The following TCF25 variants were observed in gnomAD, a reference collection of about 807,000 sequenced individuals.
The protein encoded by TCF25 is ribosome quality control complex subunit TCF25.
Under a neutral mutation model 83.1 loss-of-function variants are expected in TCF25, and 41 were observed. The observed-to-expected ratio is 0.49, with a 90% CI of 0.38 to 0.64. TCF25 has a LOEUF of 0.64. Ranked by LOEUF, TCF25 falls within the 30% of genes least tolerant of loss-of-function variation. The pLI is 0.00. For synonymous variants in TCF25, 458 were observed against 365.0 expected (o/e 1.25, Z -2.90); for missense variants, 979 against 914.5 (o/e 1.07, Z -0.91).
chr16:89,892,338 C>T (rs1349693744), intron 6 of TCF25, 63 bp downstream of exon 6: 48 of 1,485,678 alleles, frequency 3.2e-5, no homozygotes, highest in South Asian at 6.1e-5. Flanking sequence ...GCACTGGCCC[C>T]GGTACAGCAA....
intron 6 of TCF25, 149 bp from the exon 7 acceptor site, chr16:89,893,579 A>G: frequency 8.0e-7 from 1 of 1,256,316 alleles, no homozygotes; most frequent in South Asian, 1.4e-5. Flanking sequence ...AGGTGTCCGG[A>G]GCTGGTGACA....
At chr16:89,896,239 A>G (rs1201332404) in intron 9 of TCF25, among the ~76,000 whole-genome samples, 156 bp downstream of exon 9, 2 of 152,080 alleles carry the variant, frequency 1.3e-5, no homozygotes, top group Non-Finnish European at 2.9e-5. Flanking sequence ...GGGCTTAAGG[A>G]TAGAGGGATG....
intron 16 of TCF25, among the ~76,000 whole-genome samples, chr16:89,908,482 CCCA>C (rs1193946983): frequency 6.9e-6 from 1 of 144,626 alleles, no homozygotes; most frequent in African/African-American, 2.6e-5. Context: ...CCTGCCAGCT[CCCA>C]CCTCTTTCCT....
At position 89,892,188 on chromosome 16, in the gene TCF25, C is replaced by T. The variant is rs781542693; in HGVS notation, c.615-5C>T. 5 of 1,605,502 alleles carry T rather than the reference C, an allele frequency of 3.1e-6. No homozygotes were observed. Among genetic ancestry groups the T allele is most frequent in the Non-Finnish European group, 3.4e-6 (4 of 1,175,996 alleles). ...AAAGCTGTACCTGTGTCCCGTTCTCCCCAGGCCACGGCAGAGACAACGTGT... is the reference window on the plus strand; with the variant it reads ...AAAGCTGTACCTGTGTCCCGTTCTCTCCAGGCCACGGCAGAGACAACGTGT... On this transcript the variant is annotated splice_region_variant and splice_polypyrimidine_tract_variant and intron_variant, in intron 5 of 17. Coordinates refer to ENST00000263346, the MANE Select transcript of TCF25 (RefSeq NM_014972.3).
chr16:89,908,812 G>C (rs112370596), intron 16 of TCF25, among the ~76,000 whole-genome samples: 6,137 of 63,936 alleles, frequency 0.096, 565 homozygotes, highest in African/African-American at 0.26. Flanking sequence ...CTCCCACCTC[G>C]CAGCTCCCAG....
Position 89,883,431 on chromosome 16 carries a change from A to G in TCF25, c.273A>G (p.Pro91=). The change falls in exon 2 of 18, where the codon CCA becomes CCG. Residue 91 remains proline, a synonymous_variant. Transcript: ENST00000263346. The part of the protein sequence containing the change: ...SGCALTDAVA[P]GNKGRGQRGN... Reference sequence around the variant, plus strand: ...GTGCGCTCACAGACGCTGTGGCACCAGGGAACAAAGGAAGGGGTCAGCGTG... The same window carrying G: ...GTGCGCTCACAGACGCTGTGGCACCGGGGAACAAAGGAAGGGGTCAGCGTG... The G allele has an allele frequency of 6.2e-7, 1 of 1,614,056 alleles. No homozygotes were observed. Among genetic ancestry groups the G allele is most frequent in the Non-Finnish European group, 8.5e-7 (1 of 1,180,036 alleles).
rs11648433 is a variant in TCF25 at position 89,898,647 on chromosome 16, G to A, written c.1113G>A (p.Leu371=). The A allele has an allele frequency of 0.085, 136,903 of 1,612,622 alleles. 7,017 individuals are homozygous for A. The highest frequency in any genetic ancestry group is 0.19 in the East Asian group (8,355 of 44,872). ...CGCTGGAGTACTGCAAGCTCATCCT[G>A]AGGTGAGTGTCTGCTCAGGGCCAAG... The part of the protein sequence containing the change: ...RTALEYCKLI[L]SLEPDEDPLC... Residue 371 remains leucine (L), a splice_region_variant and synonymous_variant, in exon 10 of 18, where the codon CTG becomes CTA. Coordinates refer to ENST00000263346, the MANE Select transcript of TCF25 (RefSeq NM_014972.3).
chr16:89,908,808 C>CCCCGCAG (rs1298820367), intron 16 of TCF25, among the ~76,000 whole-genome samples: 1 of 123,444 alleles, frequency 8.1e-6, no homozygotes, highest in African/African-American at 3.9e-5. Context: ...CCAGCTCCCA[C>CCCCGCAG]CTCGCAGCTC....
chr16:89,904,120 C>G lies in TCF25; in HGVS notation c.1384C>G (p.Leu462Val), dbSNP rs893650779. 6.7e-5 allele frequency: 108 copies of G among 1,605,370 alleles called. No homozygotes were observed. Among genetic ancestry groups the G allele is most frequent in the Non-Finnish European group, 8.8e-5 (103 of 1,176,346 alleles). The change falls in exon 13 of 18, where the codon CTC (leucine) becomes GTC (valine). Residue 462 changes from leucine to valine, a missense_variant and splice_region_variant. Transcript: ENST00000263346. ...QQALTMFPGV[L>V]LPLLESCSVR... ...CAGAGCCTCCGCTTCCCCTGCAGTC[C>G]TCCTGCCCCTGCTCGAGTCTTGCAG...
intron 16 of TCF25, among the ~76,000 whole-genome samples, chr16:89,907,899 C>T (rs1261960080): frequency 3.9e-5 from 5 of 128,360 alleles, no homozygotes; most frequent in African/African-American, 9.5e-5. Context: ...CAGCTCCCGC[C>T]TCCCACCTCC....
intron 6 of TCF25, among the ~76,000 whole-genome samples, 176 bp from the exon 7 acceptor site, chr16:89,893,552 C>T (rs187915074): frequency 1.7e-4 from 25 of 151,446 alleles, no homozygotes; most frequent in Admixed American, 1.3e-3. Context: ...GTAGACCAGA[C>T]GGCGGGTGTT....
chr16:89,901,468 G>GA (rs1400148543), intron 12 of TCF25, among the ~76,000 whole-genome samples: 2,164 of 133,212 alleles, frequency 0.016, 82 homozygotes, highest in East Asian at 0.092. Context: ...GCCTCCGGCC[G>GA]GGCGCGGTGG....
chr16:89,901,026 G>T (rs10153084), intron 12 of TCF25: 2 of 447,222 alleles, frequency 4.5e-6, no homozygotes, highest in Admixed American at 6.5e-5. Context: ...CCCGACCCCC[G>T]TGGGGCCTGT....
chr16:89,875,607 C>G (rs958259274), intron 1 of TCF25, among the ~76,000 whole-genome samples: 2 of 148,274 alleles, frequency 1.3e-5, no homozygotes, highest in African/African-American at 5.0e-5. Context: ...ACTGCAAGCT[C>G]CGCCTCCTGG....
At chr16:89,893,960 T>C (rs1597331005) in intron 7 of TCF25, 102 bp downstream of exon 7, 2 of 1,479,326 alleles carry the variant, frequency 1.4e-6, no homozygotes, top group Admixed American at 4.2e-5. Context: ...TGCTGCCTCC[T>C]GCCCTTCCCA....
rs768923460 is a variant in TCF25, at chr16:89,887,701, A to G, written c.598A>G (p.Ile200Val). The change falls in exon 5 of 18, where the codon ATC (isoleucine) becomes GTC (valine). Residue 200 changes from isoleucine to valine, a missense_variant. Transcript: ENST00000263346. ...ELKRYFGARA[I>V]LGEQRPRQRQ... ...GAAAAGGTATTTTGGTGCCCGGGCA[A>G]TCCTGGGGGAGCAAAGGTAAGGTCC... 12 of 1,591,914 alleles carry G rather than the reference A, an allele frequency of 7.5e-6. No homozygotes were observed. The highest frequency in any genetic ancestry group is 1.9e-5 in the Admixed American group (1 of 53,648).
At chr16:89,887,325 A>G (rs568729303) in intron 4 of TCF25, among the ~76,000 whole-genome samples, 1 of 150,820 alleles carries the variant, frequency 6.6e-6, no homozygotes, top group South Asian at 2.1e-4. Flanking sequence ...AGCTCCGTGG[A>G]GTCAGTTAAG....
intron 12 of TCF25, 76 bp downstream of exon 12, chr16:89,900,870 A>G: frequency 7.1e-7 from 1 of 1,401,840 alleles, no homozygotes; most frequent in Non-Finnish European, 9.5e-7. Context: ...CTGGTGGTGG[A>G]GGCCAGGTCC....
At chr16:89,904,469 T>C in intron 13 of TCF25, 1 of 547,214 alleles carries the variant, frequency 1.8e-6, no homozygotes, top group Non-Finnish European at 3.3e-6. Context: ...GGCACATGCC[T>C]GTAATCTCAG....
Sources: gnomAD v4.1 joint callset for allele counts (sites outside exome capture counted in the v4.1 genomes callset) on GRCh38, gnomAD v4.1.1 for gene constraint, MANE v1.5 for transcripts, NCBI Gene and HGNC (gene_info 2026-07-23, HGNC 2026-07-21) for gene names.